The following MAP3K2 variants were observed in gnomAD, a reference collection of about 807,000 sequenced individuals.
MAP3K2 encodes mitogen-activated protein kinase kinase kinase 2, also known as MAP/ERK kinase kinase 2.
Under a neutral mutation model 80.3 loss-of-function variants are expected in MAP3K2, and 24 were observed. That is an observed-to-expected ratio of 0.30 (90% CI 0.22 to 0.42). MAP3K2 has a LOEUF of 0.42. MAP3K2 is among the 10% of genes least tolerant of loss of function. The pLI is 1.00. For synonymous variants in MAP3K2, 244 were observed against 253.7 expected (o/e 0.96, Z 0.36); for missense variants, 608 against 750.1 (o/e 0.81, Z 2.21).
intron 1 of MAP3K2, among the ~76,000 whole-genome samples, chr2:127,379,461 G>A (rs72848619): frequency 0.065 from 9,937 of 152,246 alleles, 432 homozygotes; most frequent in African/African-American, 0.12. Context: ...CTCAGGTCTA[G>A]ATCCCAAGCT....
In MAP3K2 at chr2:127,343,123, C is replaced by T. The variant is rs1269528427; in HGVS notation, c.4+3G>A. Reference sequence around the variant, plus strand: ...CTGAAAAATGCTTTTAGTTTGAACTCACCCATTATGGCAAACAGCTCAACA... The same window carrying T: ...CTGAAAAATGCTTTTAGTTTGAACTTACCCATTATGGCAAACAGCTCAACA... On this transcript the variant is annotated splice_donor_region_variant and intron_variant, in intron 2 of 16. Transcript: ENST00000682094. The T allele has an allele frequency of 1.3e-6, 2 of 1,553,376 alleles. No homozygotes were observed.
intron 3 of MAP3K2, 44 bp from the exon 4 acceptor site, chr2:127,337,822 C>T: frequency 8.9e-7 from 1 of 1,128,980 alleles, no homozygotes; most frequent in Non-Finnish European, 1.3e-6. Flanking sequence ...TTAGACAGAT[C>T]ATTCAGAGAT....
chr2:127,356,449 A>T (rs1686799994), intron 1 of MAP3K2, among the ~76,000 whole-genome samples: 1 of 151,404 alleles, frequency 6.6e-6, no homozygotes, highest in South Asian at 2.1e-4. Context: ...TTAATTTAAA[A>T]ATTATTTATT....
intron 1 of MAP3K2, among the ~76,000 whole-genome samples, chr2:127,350,454 C>CAAAAAAAAAAAAAAAAAAAAAAAAAA (rs752516255): frequency 1.0e-5 from 1 of 99,418 alleles, no homozygotes; most frequent in African/African-American, 3.9e-5. Flanking sequence ...AAAACAAAAA[C>CAAAAAAAAAAAAAAAAAAAAAAAAAA]AAAAAAAAAA....
Position 127,387,813 on chromosome 2 carries a change from T to A in MAP3K2, c.-427A>T, listed in dbSNP as rs1200342065. 11 of 983,804 alleles carry A rather than the reference T, an allele frequency of 1.1e-5. No individual in the cohort carries two copies. The highest frequency in any genetic ancestry group is 1.2e-5 in the Non-Finnish European group (10 of 829,534). 60.9% of individuals were successfully genotyped at this position (983,804 alleles called of 1,614,324 possible). A position where few individuals can be genotyped will look rare whatever the true frequency, so the allele number is the denominator to read the frequency against. ...CTAGAGACCGGAGAAGAGGCGGGAG[T>A]GGCGACTCTGCGGACAGGGGCGCCG... On this transcript the variant is annotated 5_prime_UTR_variant, in exon 1 of 17. Coordinates refer to ENST00000682094, the MANE Select transcript of MAP3K2 (RefSeq NM_001371910.2).
chr2:127,309,413 T>C (rs898141069), intron 15 of MAP3K2, among the ~76,000 whole-genome samples: 1 of 152,192 alleles, frequency 6.6e-6, no homozygotes, highest in Non-Finnish European at 1.5e-5. Flanking sequence ...AAAGACAGTA[T>C]AGAGAGTTCC....
rs1055269797 is a variant in MAP3K2, at chr2:127,339,223, C to G, written c.5-173G>C. On this transcript the variant is annotated intron_variant, in intron 2 of 16. Coordinates refer to ENST00000682094, the MANE Select transcript of MAP3K2 (RefSeq NM_001371910.2). This position sits in a 1 kb window ranked among gnomAD's most constrained non-coding sequence, Gnocchi z 4.2. ...ACACTTTTGGTAAAATAAAATTGCA[C>G]TAGACTTAATCTCTAGCATCAGTCC... Among the ~76,000 whole-genome samples, 2 of 152,176 alleles carry G rather than the reference C, an allele frequency of 1.3e-5. No homozygotes were observed. Among genetic ancestry groups the G allele is most frequent in the Non-Finnish European group, 2.9e-5 (2 of 68,022 alleles).
intron 1 of MAP3K2, among the ~76,000 whole-genome samples, chr2:127,376,032 C>A (rs1168150985): frequency 6.6e-6 from 1 of 152,164 alleles, no homozygotes; most frequent in Non-Finnish European, 1.5e-5. Context: ...TCTGTACTCT[C>A]CTATCAACAA....
rs1172851239 is a variant in MAP3K2, at chr2:127,310,522, T to A, written c.1457-1760A>T. Reference sequence around the variant, plus strand: ...AAAAAATTAGCTGGGCATGGTAGCATGTGCCTGCAGTCCCAGCTACTTGGG... The same window carrying A: ...AAAAAATTAGCTGGGCATGGTAGCAAGTGCCTGCAGTCCCAGCTACTTGGG... On this transcript the variant is annotated intron_variant, in intron 15 of 16. Coordinates refer to ENST00000682094, the MANE Select transcript of MAP3K2 (RefSeq NM_001371910.2). This position sits in a 1 kb window ranked among gnomAD's most constrained non-coding sequence, Gnocchi z 4.8. Among the ~76,000 whole-genome samples the A allele has an allele frequency of 1.3e-5, 2 of 152,080 alleles. No individual in the cohort carries two copies. The highest frequency in any genetic ancestry group is 4.8e-5 in the African/African-American group (2 of 41,396).
At chr2:127,331,040 G>A (rs891113722) in intron 5 of MAP3K2, among the ~76,000 whole-genome samples, 1 of 152,072 alleles carries the variant, frequency 6.6e-6, no homozygotes, top group South Asian at 2.1e-4. Flanking sequence ...AGCCCACCTA[G>A]AGTTCTTCTC....
At chr2:127,376,725 G>A (rs1279568921) in intron 1 of MAP3K2, among the ~76,000 whole-genome samples, 1 of 152,076 alleles carries the variant, frequency 6.6e-6, no homozygotes, top group East Asian at 1.9e-4. Flanking sequence ...GAGATATTGG[G>A]GTTTTTGTTC....
At chr2:127,324,028 T>G in intron 10 of MAP3K2, 34 bp from the exon 11 acceptor site, 1 of 1,103,136 alleles carries the variant, frequency 9.1e-7, no homozygotes, top group Non-Finnish European at 1.3e-6. Flanking sequence ...ATCTTTTATT[T>G]AAAAAAAAAA....
At chr2:127,327,759 T>TAATG (rs1167022524) in intron 7 of MAP3K2, among the ~76,000 whole-genome samples, 1 of 152,180 alleles carries the variant, frequency 6.6e-6, no homozygotes, top group Non-Finnish European at 1.5e-5. Context: ...GAAAAATAGA[T>TAATG]AATGGTCATA....
chr2:127,360,248 A>C (rs1686861143), intron 1 of MAP3K2, among the ~76,000 whole-genome samples: 1 of 152,204 alleles, frequency 6.6e-6, no homozygotes, highest in Non-Finnish European at 1.5e-5. Flanking sequence ...ATGCTGAGTG[A>C]AAGAAGCTAG....
At position 127,321,707 on chromosome 2, in the gene MAP3K2, T is replaced by C. The variant is rs745587337; in HGVS notation, c.1045+339A>G. Among the ~76,000 whole-genome samples the C allele has an allele frequency of 1.6e-4, 25 of 152,324 alleles. No homozygotes were observed. In the Middle Eastern group the frequency reaches 0.017, roughly 104 times the overall value. ...CATTTAAATGCTATACAATAATTAT[T>C]TCTCCATGTATCATCTATCCCATTA... On this transcript the variant is annotated intron_variant, in intron 12 of 16. Transcript: ENST00000682094. The surrounding 1 kb of genome is among the most constrained non-coding windows in gnomAD (Gnocchi z 4.4).
In MAP3K2 at chr2:127,326,738, T is replaced by C; in HGVS notation, c.546A>G (p.Ser182=). 1 of 1,608,460 alleles carries C rather than the reference T, an allele frequency of 6.2e-7. No homozygotes were observed. Among genetic ancestry groups the C allele is most frequent in the South Asian group, 1.1e-5 (1 of 90,366 alleles). ...CTCCTTCACTGTTGATACTAGTGAA[T>C]GACCCATTCCGGGCAACCTGGTGTA... ...DELHQVARNG[S]FTSINSEGEF... The change falls in exon 8 of 17, where the codon TCA becomes TCG. Residue 182 remains serine, a synonymous_variant. Coordinates refer to ENST00000682094, the MANE Select transcript of MAP3K2 (RefSeq NM_001371910.2).
chr2:127,367,936 C>CCAA (rs144742778), intron 1 of MAP3K2, among the ~76,000 whole-genome samples: 3 of 152,372 alleles, frequency 2.0e-5, no homozygotes, highest in African/African-American at 7.2e-5. Flanking sequence ...TTAGGAGCAT[C>CCAA]CAACTACAGT....
In MAP3K2 at chr2:127,322,388, G is replaced by A; in HGVS notation, c.839-136C>T. On this transcript the variant is annotated intron_variant, in intron 11 of 16. Transcript: ENST00000682094. This position sits in a 1 kb window ranked among gnomAD's most constrained non-coding sequence, Gnocchi z 4.2. Reference sequence around the variant, plus strand: ...GAAACTCAAATAGGAATGATTGGGTGGGAAAAAATAAACAGGATCTGAATA... The same window carrying A: ...GAAACTCAAATAGGAATGATTGGGTAGGAAAAAATAAACAGGATCTGAATA... 2 of 590,738 alleles carry A rather than the reference G, an allele frequency of 3.4e-6. No individual in the cohort carries two copies. Among genetic ancestry groups the A allele is most frequent in the Non-Finnish European group, 3.0e-6 (1 of 337,444 alleles). 36.6% of individuals were successfully genotyped at this position (590,738 alleles called of 1,614,324 possible). A position where few individuals can be genotyped will look rare whatever the true frequency, so the allele number is the denominator to read the frequency against.
In MAP3K2 at chr2:127,387,830, G is replaced by A. The variant is rs1298637058; in HGVS notation, c.-444C>T. ...GGCGGGAGTGGCGACTCTGCGGACA[G>A]GGGCGCCGAGCGTCCTGGTCGTTGT... On this transcript the variant is annotated 5_prime_UTR_variant, in exon 1 of 17. Coordinates refer to ENST00000682094, the MANE Select transcript of MAP3K2 (RefSeq NM_001371910.2). 2.0e-6 allele frequency: 2 copies of A among 985,008 alleles called. No individual in the cohort carries two copies. The allele number at this position is 985,008 out of a possible 1,614,324, so 61.0% of individuals were successfully genotyped here. A position where few individuals can be genotyped will look rare whatever the true frequency, so the allele number is the denominator to read the frequency against.
Sources: gnomAD v4.1 joint callset for allele counts (sites outside exome capture counted in the v4.1 genomes callset) on GRCh38, gnomAD v4.1.1 for gene constraint, Gnocchi (gnomAD v3.1) non-coding constraint, MANE v1.5 for transcripts, NCBI Gene and HGNC (gene_info 2026-07-23, HGNC 2026-07-21) for gene names.